CCDC102B: variants seen among roughly 807,000 people sequenced by gnomAD.
CCDC102B encodes the protein coiled-coil domain-containing protein 102B.
A neutral mutation model predicts 57.4 loss-of-function variants in CCDC102B; 75 were observed. The observed-to-expected ratio is 1.31, with a 90% CI of 1.08 to 1.58. The LOEUF is 1.58. Ranked by LOEUF, CCDC102B falls within the 40% of genes most tolerant of loss-of-function variation. The pLI, the probability that CCDC102B is intolerant of heterozygous loss-of-function variation, is 0.00. For missense variants in CCDC102B, 636 were observed against 582.6 expected (o/e 1.09, Z -0.94); for synonymous variants, 206 against 201.9 (o/e 1.02, Z -0.17).
At chr18:68,745,173 T>C (rs2033563964) in intron 2 of CCDC102B, among the ~76,000 whole-genome samples, 1 of 151,842 alleles carries the variant, frequency 6.6e-6, no homozygotes, top group Non-Finnish European at 1.5e-5. Context: ...AGAAGTGGGG[T>C]GTGCTTGGTT....
intron 2 of CCDC102B, among the ~76,000 whole-genome samples, chr18:68,719,171 C>A (rs1292120791): frequency 6.6e-6 from 1 of 152,122 alleles, no homozygotes; most frequent in Non-Finnish European, 1.5e-5. Context: ...TAAAATTATA[C>A]CATTAAAAAT....
intron 6 of CCDC102B, among the ~76,000 whole-genome samples, chr18:68,977,596 T>C (rs2145280668): frequency 6.6e-6 from 1 of 151,622 alleles, no homozygotes; most frequent in Admixed American, 6.6e-5. Flanking sequence ...CACCTTAGGC[T>C]CTTTTTCTGA....
At chr18:68,824,566 C>G (rs180990323) in intron 1 of CCDC102B, among the ~76,000 whole-genome samples, 14 of 152,282 alleles carry the variant, frequency 9.2e-5, no homozygotes. Flanking sequence ...TGAGAGTGGG[C>G]ATCCTCGTCT....
At chr18:68,749,661 T>G (rs1166451644) in intron 2 of CCDC102B, among the ~76,000 whole-genome samples, 1 of 152,186 alleles carries the variant, frequency 6.6e-6, no homozygotes, top group Non-Finnish European at 1.5e-5. Flanking sequence ...GCTTACCACC[T>G]TAAGGGGGTT....
chr18:68,798,655 T>C (rs1169525263), intron 1 of CCDC102B, among the ~76,000 whole-genome samples: 1 of 152,136 alleles, frequency 6.6e-6, no homozygotes, highest in Non-Finnish European at 1.5e-5. Flanking sequence ...GTCTTCATGC[T>C]AAATTCTTGT....
intron 2 of CCDC102B, among the ~76,000 whole-genome samples, chr18:68,759,369 G>T (rs2034175775): frequency 6.6e-6 from 1 of 152,032 alleles, no homozygotes; most frequent in African/African-American, 2.4e-5. Flanking sequence ...TGGGTGCTTA[G>T]CTCAAAGAAT....
chr18:68,810,680 G>GTTTTTTTTTTTTTTTTTTTTTTTTTTT (rs61714863), intron 1 of CCDC102B, among the ~76,000 whole-genome samples: 3 of 77,042 alleles, frequency 3.9e-5, no homozygotes, highest in African/African-American at 5.1e-5. Context: ...TCTTTTCTTT[G>GTTTTTTTTTTTTTTTTTTTTTTTTTTT]TTTTTTTTTT....
chr18:68,963,528 A>G (rs184868931), intron 6 of CCDC102B, among the ~76,000 whole-genome samples: 2 of 151,974 alleles, frequency 1.3e-5, no homozygotes, highest in Admixed American at 1.3e-4. Context: ...TGTTAATTAA[A>G]CAGTATATTC....
intron 6 of CCDC102B, among the ~76,000 whole-genome samples, chr18:68,986,963 G>C (rs1472744160): frequency 6.6e-6 from 1 of 152,120 alleles, no homozygotes; most frequent in Non-Finnish European, 1.5e-5. Flanking sequence ...CTCATGGATT[G>C]GAAGAGTCAA....
chr18:68,777,193 A>G (rs1363590675), intron 2 of CCDC102B, among the ~76,000 whole-genome samples: 1 of 152,140 alleles, frequency 6.6e-6, no homozygotes, highest in Non-Finnish European at 1.5e-5. Flanking sequence ...TTAAAGGACT[A>G]TTTCTCCCTT....
rs1054061635 is a variant in CCDC102B, at chr18:69,042,386, A to G, written c.1435-11644A>G. Among the ~76,000 whole-genome samples, 5 of 152,210 alleles carry G rather than the reference A, an allele frequency of 3.3e-5. No individual in the cohort carries two copies. The East Asian group carries it at 7.8e-4, about 24-fold the overall frequency. ...AAGCTGCCACTAATGTGAAATCACA[A>G]TTGGAGAAGATTTGGCAACAATATT... On this transcript the variant is annotated intron_variant, in intron 7 of 7. Coordinates refer to ENST00000360242, the MANE Select transcript of CCDC102B (RefSeq NM_024781.3).
rs557717398 is a variant in CCDC102B at position 68,934,384 on chromosome 18, C to G, written c.1263+36956C>G. 2.0e-5 allele frequency among the ~76,000 whole-genome samples: 3 copies of G among 152,006 alleles called. No homozygotes were observed. In the South Asian group the frequency reaches 6.2e-4, roughly 32 times the overall value. On this transcript the variant is annotated intron_variant, in intron 6 of 7. Coordinates refer to ENST00000360242, the MANE Select transcript of CCDC102B (RefSeq NM_024781.3). ...AATCATCAATAATTTATTTTATCCT[C>G]TTTTTCAAAAGTAACTTTCTATTGT...
At chr18:68,907,123 A>G (rs1351702817) in intron 6 of CCDC102B, among the ~76,000 whole-genome samples, 1 of 152,134 alleles carries the variant, frequency 6.6e-6, no homozygotes, top group Non-Finnish European at 1.5e-5. Context: ...CCATATAGGT[A>G]TGGTTTATTT....
chr18:68,847,705 A>G (rs991285382), intron 4 of CCDC102B, among the ~76,000 whole-genome samples: 2 of 151,824 alleles, frequency 1.3e-5, no homozygotes, highest in Non-Finnish European at 2.9e-5. Context: ...AATATGTATT[A>G]ATACATATAT....
chr18:68,795,517 G>C (rs552535639), upstream of CCDC102B, among the ~76,000 whole-genome samples: 1 of 152,224 alleles, frequency 6.6e-6, no homozygotes, highest in South Asian at 2.1e-4. Flanking sequence ...AAGCCCTAGG[G>C]AAGAACCCTT....
At chr18:68,975,760 T>C (rs1755645413) in intron 6 of CCDC102B, among the ~76,000 whole-genome samples, 1 of 151,802 alleles carries the variant, frequency 6.6e-6, no homozygotes, top group African/African-American at 2.4e-5. Flanking sequence ...GCACAAACGA[T>C]TTCATTCATT....
intron 6 of CCDC102B, among the ~76,000 whole-genome samples, chr18:68,905,895 G>A (rs1228823816): frequency 3.6e-5 from 5 of 137,256 alleles, no homozygotes; most frequent in South Asian, 4.8e-4. Context: ...CCGGGTTCAC[G>A]CCGTTCTCCT....
At chr18:68,728,474 C>T (rs2032702766) in intron 2 of CCDC102B, among the ~76,000 whole-genome samples, 2 of 152,132 alleles carry the variant, frequency 1.3e-5, no homozygotes, top group African/African-American at 4.8e-5. Flanking sequence ...AGTTAAATTC[C>T]TCATGTCAAG....
At chr18:68,963,963 C>G (rs2050109275) in intron 6 of CCDC102B, among the ~76,000 whole-genome samples, 2 of 151,810 alleles carry the variant, frequency 1.3e-5, no homozygotes, top group African/African-American at 4.8e-5. Context: ...CTATGTATTG[C>G]TGGATCACTA....
Sources: allele counts gnomAD v4.1 joint callset (sites outside exome capture counted in the v4.1 genomes callset), GRCh38; gene constraint gnomAD v4.1.1; transcripts MANE v1.5; gene names NCBI Gene and HGNC (gene_info 2026-07-23, HGNC 2026-07-21).